PHACTR1: variants seen among roughly 807,000 people sequenced by gnomAD.
The protein encoded by PHACTR1 is phosphatase and actin regulator 1, also known as RPEL repeat containing 1.
Under a neutral mutation model 69.2 loss-of-function variants are expected in PHACTR1, and 16 were observed. The ratio of observed to expected loss-of-function variants is 0.23; its 90% confidence interval spans 0.16 to 0.35. The LOEUF is 0.35. Among genes scored for constraint, PHACTR1 ranks in the 10% least tolerant of loss-of-function variants. PHACTR1 has a pLI of 1.00. For synonymous variants in PHACTR1, 312 were observed against 284.5 expected (o/e 1.10, Z -0.97); for missense variants, 510 against 734.7 (o/e 0.69, Z 3.54).
chr6:13,286,808 C>T (rs945981889), intron 14 of PHACTR1, among the ~76,000 whole-genome samples: 10 of 152,220 alleles, frequency 6.6e-5, no homozygotes, highest in African/African-American at 1.9e-4. Flanking sequence ...AGTCTAGAGA[C>T]TCAGAGACAC....
chr6:12,797,103 C>G (rs1212335746), intron 4 of PHACTR1, among the ~76,000 whole-genome samples: 1 of 151,108 alleles, frequency 6.6e-6, no homozygotes, highest in Non-Finnish European at 1.5e-5. Context: ...GAGAACTGAT[C>G]CTGCCAAACC....
In PHACTR1 at chr6:13,098,124, T is replaced by G. The variant is rs142785958; in HGVS notation, c.415+44595T>G. ...AGAAAACACTCCTTTGACTTTATGT[T>G]TTCCTCTGGCTACTAGTAGTTTCAC... On this transcript the variant is annotated intron_variant, in intron 5 of 14. Transcript: ENST00000332995. Among the ~76,000 whole-genome samples the G allele has an allele frequency of 7.3e-3, 1,114 of 152,316 alleles. 4 individuals carry two copies. Among genetic ancestry groups the G allele is most frequent in the Non-Finnish European group, 0.012 (846 of 68,028 alleles).
intron 5 of PHACTR1, among the ~76,000 whole-genome samples, chr6:13,060,362 C>T (rs752073645): frequency 1.1e-4 from 17 of 152,010 alleles, no homozygotes; most frequent in Non-Finnish European, 1.5e-5. Context: ...AGAGATAGGA[C>T]AAGATGGGTG....
chr6:13,215,623 A>G (rs1045253722), intron 8 of PHACTR1, among the ~76,000 whole-genome samples: 7 of 152,228 alleles, frequency 4.6e-5, no homozygotes, highest in Non-Finnish European at 1.0e-4. Flanking sequence ...CAGAGAGGAC[A>G]CTGAATATTT....
chr6:13,135,858 T>A (rs1821459282), intron 5 of PHACTR1, among the ~76,000 whole-genome samples: 1 of 151,482 alleles, frequency 6.6e-6, no homozygotes, highest in Non-Finnish European at 1.5e-5. Context: ...GAGACCCATC[T>A]CTAGGGGAAA....
intron 4 of PHACTR1, among the ~76,000 whole-genome samples, chr6:12,758,531 A>G (rs1385640478): frequency 6.6e-6 from 1 of 151,088 alleles, no homozygotes; most frequent in East Asian, 1.9e-4. Flanking sequence ...TTTCTTATTT[A>G]TTCTCACAAT....
chr6:12,931,003 CAA>C (rs34965562), intron 4 of PHACTR1, among the ~76,000 whole-genome samples: 5,574 of 86,164 alleles, frequency 0.065, 248 homozygotes, highest in African/African-American at 0.19. Flanking sequence ...AACTCTGTCT[CAA>C]AAAAAAAAAA....
intron 5 of PHACTR1, among the ~76,000 whole-genome samples, chr6:13,070,409 G>A (rs1228076386): frequency 6.6e-6 from 1 of 152,082 alleles, no homozygotes. Context: ...GGCTCTCAGC[G>A]CCCCAGCAGT....
chr6:12,761,429 A>T (rs1768009269), intron 4 of PHACTR1, among the ~76,000 whole-genome samples: 2 of 152,220 alleles, frequency 1.3e-5, no homozygotes, highest in African/African-American at 2.4e-5. Context: ...TCTCATCATT[A>T]TATGAAATGT....
At chr6:13,216,581 G>T (rs1260935249) in intron 8 of PHACTR1, among the ~76,000 whole-genome samples, 1 of 152,218 alleles carries the variant, frequency 6.6e-6, no homozygotes, top group Non-Finnish European at 1.5e-5. Flanking sequence ...TTCTTATGGT[G>T]ATGATCATCT....
chr6:12,976,442 T>C (rs1794890836), intron 4 of PHACTR1, among the ~76,000 whole-genome samples: 1 of 152,118 alleles, frequency 6.6e-6, no homozygotes, highest in Non-Finnish European at 1.5e-5. Context: ...CTTGAAAGTT[T>C]CAGAGATTTG....
At chr6:12,930,915 G>A (rs1163912840) in intron 4 of PHACTR1, among the ~76,000 whole-genome samples, 1 of 150,798 alleles carries the variant, frequency 6.6e-6, no homozygotes, top group South Asian at 2.1e-4. Flanking sequence ...GCTGGGCATG[G>A]TGGCACATGC....
chr6:12,762,365 GCTT>G (rs1226158242), intron 4 of PHACTR1, among the ~76,000 whole-genome samples: 10 of 152,208 alleles, frequency 6.6e-5, no homozygotes, highest in African/African-American at 2.2e-4. Context: ...GTTAGTCACT[GCTT>G]CTCTGTTATC....
intron 7 of PHACTR1, among the ~76,000 whole-genome samples, chr6:13,195,198 G>A (rs1764199068): frequency 6.6e-6 from 1 of 152,124 alleles, no homozygotes; most frequent in Admixed American, 6.5e-5. Flanking sequence ...TAGTAGATTA[G>A]TGATGCTAGA....
intron 4 of PHACTR1, among the ~76,000 whole-genome samples, chr6:13,005,406 G>C (rs1798667919): frequency 6.6e-6 from 1 of 151,794 alleles, no homozygotes; most frequent in African/African-American, 2.4e-5. Flanking sequence ...CCCTTTATAT[G>C]AGCTCTCTTT....
intron 4 of PHACTR1, among the ~76,000 whole-genome samples, chr6:12,835,305 T>G (rs912291308): frequency 5.9e-5 from 9 of 152,028 alleles, no homozygotes; most frequent in Non-Finnish European, 1.3e-4. Flanking sequence ...GACACCTGTG[T>G]CAGAGTGTGA....
chr6:13,105,432 A>G (rs1447753256), intron 5 of PHACTR1, among the ~76,000 whole-genome samples: 2 of 152,080 alleles, frequency 1.3e-5, no homozygotes, highest in African/African-American at 4.8e-5. Flanking sequence ...TGCCTATTAA[A>G]TGGAGATACA....
intron 4 of PHACTR1, among the ~76,000 whole-genome samples, chr6:12,997,749 T>C (rs1334745722): frequency 6.6e-6 from 1 of 152,090 alleles, no homozygotes; most frequent in African/African-American, 2.4e-5. Context: ...GGTCACGAGA[T>C]GGAGACCATC....
chr6:13,072,858 C>A (rs1245765028), intron 5 of PHACTR1, among the ~76,000 whole-genome samples: 2 of 152,084 alleles, frequency 1.3e-5, no homozygotes, highest in Non-Finnish European at 2.9e-5. Context: ...AGAGTAATGA[C>A]TTCACACTCA....
Sources: allele counts gnomAD v4.1 joint callset (sites outside exome capture counted in the v4.1 genomes callset), GRCh38; gene constraint gnomAD v4.1.1; transcripts MANE v1.5; gene names NCBI Gene and HGNC (gene_info 2026-07-23, HGNC 2026-07-21).